The following CRTC1 variants were observed in gnomAD, a reference collection of about 807,000 sequenced individuals.
The protein encoded by CRTC1 is CREB-regulated transcription coactivator 1.
Under a neutral mutation model 66.1 loss-of-function variants are expected in CRTC1, and 18 were observed. The ratio of observed to expected loss-of-function variants is 0.27; its 90% CI spans 0.19 to 0.40. The LOEUF is 0.40. CRTC1 is among the 10% of genes least tolerant of loss of function. The pLI is 1.00. For synonymous variants in CRTC1, 416 were observed against 398.8 expected (o/e 1.04, Z -0.51); for missense variants, 669 against 887.9 (o/e 0.75, Z 3.13).
chr19:18,704,833 C>T (rs1463921765), intron 1 of CRTC1, among the ~76,000 whole-genome samples: 2 of 152,178 alleles, frequency 1.3e-5, no homozygotes, highest in Non-Finnish European at 2.9e-5. Flanking sequence ...TCACCACCAT[C>T]TGTGTTCAGA....
At chr19:18,723,344 G>T (rs990699392) in intron 1 of CRTC1, among the ~76,000 whole-genome samples, 3 of 152,226 alleles carry the variant, frequency 2.0e-5, no homozygotes, top group East Asian at 1.9e-4. Context: ...CCTACCGTTT[G>T]TAAGTTTGTT....
chr19:18,685,057 T>C (rs1472697302), intron 1 of CRTC1, among the ~76,000 whole-genome samples: 2 of 152,302 alleles, frequency 1.3e-5, no homozygotes, highest in East Asian at 3.9e-4. Context: ...ATCCCTGGTT[T>C]CCAGATTCAG....
intron 1 of CRTC1, among the ~76,000 whole-genome samples, chr19:18,726,406 T>C (rs2053754043): frequency 6.6e-6 from 1 of 152,196 alleles, no homozygotes; most frequent in Non-Finnish European, 1.5e-5. Flanking sequence ...AGGGATGAGG[T>C]GAGAGCCATG....
chr19:18,759,505 C>T (rs1459308617), intron 6 of CRTC1, 46 bp from the exon 7 acceptor site: 4 of 1,600,820 alleles, frequency 2.5e-6, no homozygotes, highest in South Asian at 1.1e-5. Context: ...AGGAGGGCCC[C>T]ACAGGGTGTG....
intron 1 of CRTC1, chr19:18,735,750 C>T: frequency 6.5e-6 from 1 of 153,160 alleles, no homozygotes; most frequent in Non-Finnish European, 1.5e-5. Flanking sequence ...ACCTGCTGTT[C>T]CTCCTCCCCT....
chr19:18,741,076 C>T lies in CRTC1; in HGVS notation c.127-1834C>T, dbSNP rs537797490. Among the ~76,000 whole-genome samples the T allele has an allele frequency of 4.6e-5, 7 of 152,320 alleles. No individual in the cohort carries two copies. Among genetic ancestry groups the T allele is most frequent in the Admixed American group, 4.6e-4 (7 of 15,298 alleles). ...CCCCACTCAGTGTCCACTCCTGGCCCAGGGGCTGTGCTCCGAAGCCTGAGT... is the reference window on the plus strand; with the variant it reads ...CCCCACTCAGTGTCCACTCCTGGCCTAGGGGCTGTGCTCCGAAGCCTGAGT... On this transcript the variant is annotated intron_variant, in intron 1 of 13. Transcript: ENST00000321949. This position sits in a 1 kb window ranked among gnomAD's most constrained non-coding sequence, Gnocchi z 4.2.
chr19:18,725,933 C>T (rs762029871), intron 1 of CRTC1, among the ~76,000 whole-genome samples: 4 of 152,194 alleles, frequency 2.6e-5, no homozygotes, highest in Admixed American at 6.5e-5. Context: ...ATCCCAGGGA[C>T]GGGGGCCACC....
Position 18,746,996 on chromosome 19 carries a change from G to A in CRTC1, c.382-57G>A. ...CGGGGCTTCCTGCCCTGGGCTGAGA[G>A]TGTGTTGTTGGAGGCGGGGTCTCAG... On this transcript the variant is annotated intron_variant, in intron 3 of 13. Coordinates refer to ENST00000321949, the MANE Select transcript of CRTC1 (RefSeq NM_015321.3). 2.0e-6 allele frequency: 3 copies of A among 1,536,780 alleles called. No individual in the cohort carries two copies. The South Asian group carries it at 3.4e-5, about 17-fold the overall frequency.
At chr19:18,734,964 T>A (rs2053966695) in intron 1 of CRTC1, among the ~76,000 whole-genome samples, 1 of 152,154 alleles carries the variant, frequency 6.6e-6, no homozygotes, top group South Asian at 2.1e-4. Context: ...AATGAATCGG[T>A]CAGGGGATGC....
chr19:18,694,156 G>C (rs1162048515), intron 1 of CRTC1, among the ~76,000 whole-genome samples: 2 of 148,222 alleles, frequency 1.3e-5, no homozygotes, highest in Admixed American at 1.3e-4. Flanking sequence ...AAAAAAATAG[G>C]CTGGCATGGT....
At chr19:18,711,098 G>A (rs992683594) in intron 1 of CRTC1, among the ~76,000 whole-genome samples, 1 of 152,196 alleles carries the variant, frequency 6.6e-6, no homozygotes, top group African/African-American at 2.4e-5. Context: ...ATTTCCTTGG[G>A]GTTTTGGCTC....
intron 1 of CRTC1, among the ~76,000 whole-genome samples, chr19:18,726,296 C>T (rs184321397): frequency 5.9e-5 from 9 of 152,344 alleles, no homozygotes; most frequent in East Asian, 3.9e-4. Context: ...TGACGTGTGC[C>T]GGCCTCGCTT....
intron 8 of CRTC1, among the ~76,000 whole-genome samples, chr19:18,763,187 G>T (rs1051946105): frequency 6.7e-6 from 1 of 148,578 alleles, no homozygotes; most frequent in East Asian, 2.0e-4. Context: ...TGCAACCTTC[G>T]CCTCCCAGTC....
chr19:18,759,720 T>A, intron 7 of CRTC1, 129 bp downstream of exon 7: 1 of 1,061,882 alleles, frequency 9.4e-7, no homozygotes, highest in Non-Finnish European at 1.4e-6. Flanking sequence ...CAGAGGCCAG[T>A]GACAGAGCCC....
rs542022969 is a variant in CRTC1, at chr19:18,779,944, G to A, written c.*2562G>A. On this transcript the variant is annotated 3_prime_UTR_variant, in exon 14 of 14. Transcript: ENST00000321949. ...AGGATTCACGCCCCTCCTGGACCTGGGCGGGCCTCCCAGGGGGTCTGTATC... is the reference window on the plus strand; with the variant it reads ...AGGATTCACGCCCCTCCTGGACCTGAGCGGGCCTCCCAGGGGGTCTGTATC... 3.8e-4 allele frequency: 88 copies of A among 229,374 alleles called. 1 individual carries two copies. The South Asian group carries it at 0.015, about 40-fold the overall frequency. 14.2% of individuals were successfully genotyped at this position (229,374 alleles called of 1,614,324 possible).
intron 2 of CRTC1, among the ~76,000 whole-genome samples, 186 bp from the exon 3 acceptor site, chr19:18,745,637 C>A (rs986030677): frequency 1.3e-5 from 2 of 152,224 alleles, no homozygotes; most frequent in African/African-American, 4.8e-5. Context: ...CTCCCTACCC[C>A]CCAGTGCTTG....
At chr19:18,748,521 T>A (rs1455487763) in intron 4 of CRTC1, among the ~76,000 whole-genome samples, 3 of 145,522 alleles carry the variant, frequency 2.1e-5, no homozygotes, top group Non-Finnish European at 4.5e-5. Context: ...TGCCTGGCTG[T>A]TATATATATT....
At chr19:18,729,749 T>G (rs762833067) in intron 1 of CRTC1, among the ~76,000 whole-genome samples, 12 of 151,784 alleles carry the variant, frequency 7.9e-5, no homozygotes, top group East Asian at 5.8e-4. Context: ...TTTAAAAGAA[T>G]AATAATAATA....
At chr19:18,705,970 T>C (rs1261320558) in intron 1 of CRTC1, among the ~76,000 whole-genome samples, 2 of 149,812 alleles carry the variant, frequency 1.3e-5, no homozygotes, top group South Asian at 2.1e-4. Flanking sequence ...TCTCTCTCTT[T>C]TTTTTTTTTT....
Sources: gnomAD v4.1 joint callset for allele counts (sites outside exome capture counted in the v4.1 genomes callset) on GRCh38, gnomAD v4.1.1 for gene constraint, Gnocchi (gnomAD v3.1) non-coding constraint, MANE v1.5 for transcripts, NCBI Gene and HGNC (gene_info 2026-07-23, HGNC 2026-07-21) for gene names.